The following ARHGAP26 variants were observed in gnomAD, a reference collection of about 807,000 sequenced individuals.
The protein encoded by ARHGAP26 is rho GTPase-activating protein 26.
Under a neutral mutation model 104.8 loss-of-function variants are expected in ARHGAP26, and 38 were observed. That is an observed-to-expected ratio of 0.36 (90% CI 0.28 to 0.48). The LOEUF (loss-of-function observed/expected upper bound fraction) is 0.48. ARHGAP26 is among the 20% of genes least tolerant of loss of function. The pLI is 0.99. For missense variants in ARHGAP26, 704 were observed against 947.9 expected (o/e 0.74, Z 3.38); for synonymous variants, 341 against 340.0 (o/e 1.00, Z -0.03).
In ARHGAP26 at chr5:142,902,332, G is replaced by A. The variant is rs78323251; in HGVS notation, c.702+293G>A. On this transcript the variant is annotated intron_variant, in intron 7 of 22. Transcript: ENST00000645722. ...AGCATTGGAGTCAGGATTTCCTTTG[G>A]CGGTGGAAATCCCAGCCCAACCCAG... Among the ~76,000 whole-genome samples, 1,104 of 152,272 alleles carry A rather than the reference G, an allele frequency of 7.3e-3. 7 individuals are homozygous for A. Among genetic ancestry groups the A allele is most frequent in the Middle Eastern group, 0.034 (10 of 294 alleles).
chr5:142,923,711 A>G (rs1384941608), intron 10 of ARHGAP26, among the ~76,000 whole-genome samples: 2 of 152,212 alleles, frequency 1.3e-5, no homozygotes, highest in Non-Finnish European at 2.9e-5. Flanking sequence ...TAAAAATGTA[A>G]GAACTTATCT....
intron 20 of ARHGAP26, among the ~76,000 whole-genome samples, chr5:143,178,468 C>T (rs1803820101): frequency 6.6e-6 from 1 of 152,178 alleles, no homozygotes; most frequent in Non-Finnish European, 1.5e-5. Flanking sequence ...CAGTTCCTTC[C>T]ACATGGGATT....
At chr5:142,823,503 G>A (rs1340861500) in intron 1 of ARHGAP26, among the ~76,000 whole-genome samples, 1 of 151,856 alleles carries the variant, frequency 6.6e-6, no homozygotes, top group African/African-American at 2.4e-5. Flanking sequence ...GGGACTGTGT[G>A]ACGTTATACA....
chr5:143,004,499 G>C (rs117219572), intron 11 of ARHGAP26, among the ~76,000 whole-genome samples: 22 of 152,160 alleles, frequency 1.4e-4, no homozygotes, highest in Non-Finnish European at 4.4e-5. Context: ...AGGAATGCCC[G>C]GGATGCCTTC....
At chr5:143,144,860 G>C (rs1001432352) in intron 19 of ARHGAP26, among the ~76,000 whole-genome samples, 12 of 152,238 alleles carry the variant, frequency 7.9e-5, no homozygotes, top group African/African-American at 2.4e-4. Flanking sequence ...CGTCAGTAAA[G>C]ATTGTCAGCC....
intron 5 of ARHGAP26, among the ~76,000 whole-genome samples, chr5:142,887,094 GCA>G (rs1757819580): frequency 6.6e-6 from 1 of 152,198 alleles, no homozygotes; most frequent in Non-Finnish European, 1.5e-5. Flanking sequence ...GAGGCCCACA[GCA>G]CAGTTACCCT....
intron 11 of ARHGAP26, among the ~76,000 whole-genome samples, chr5:142,959,951 C>T (rs1485718867): frequency 6.6e-6 from 1 of 152,186 alleles, no homozygotes; most frequent in East Asian, 1.9e-4. Flanking sequence ...TGGGAAAAGG[C>T]AACTATATGG....
chr5:142,938,766 T>A (rs559688927), intron 11 of ARHGAP26, among the ~76,000 whole-genome samples: 1 of 152,334 alleles, frequency 6.6e-6, no homozygotes, highest in Non-Finnish European at 1.5e-5. Flanking sequence ...TCCCCTTAGC[T>A]GTGATTAGTG....
intron 11 of ARHGAP26, among the ~76,000 whole-genome samples, chr5:142,982,772 T>C (rs1244008099): frequency 3.3e-5 from 5 of 152,218 alleles, no homozygotes; most frequent in Non-Finnish European, 7.4e-5. Flanking sequence ...CTTGGATTGT[T>C]GAACCTGTTT....
Position 143,223,730 on chromosome 5 carries a change from T to G in ARHGAP26, c.*1284T>G, listed in dbSNP as rs1811442784. 1 of 231,702 alleles carries G rather than the reference T, an allele frequency of 4.3e-6. No individual in the cohort carries two copies. The highest frequency in any genetic ancestry group is 5.6e-5 in the Admixed American group (1 of 17,724). The allele number at this position is 231,702 out of a possible 1,614,324, so 14.4% of individuals were successfully genotyped here. ...GAATTATTTCTCAGTCTTTCAAGGC[T>G]TGAGACTAATATAGGCCATTGTGAT... On this transcript the variant is annotated 3_prime_UTR_variant, in exon 23 of 23. Coordinates refer to ENST00000645722, the MANE Select transcript of ARHGAP26 (RefSeq NM_001135608.3).
At chr5:143,164,128 G>A (rs1026013696) in intron 20 of ARHGAP26, among the ~76,000 whole-genome samples, 1 of 149,484 alleles carries the variant, frequency 6.7e-6, no homozygotes, top group South Asian at 2.1e-4. Context: ...CTTATATAAT[G>A]CAGTATATCA....
chr5:142,932,117 C>T lies in ARHGAP26; in HGVS notation c.1099C>T (p.Arg367Trp), dbSNP rs559024664. 117 of 1,613,984 alleles carry T rather than the reference C, an allele frequency of 7.2e-5. No individual in the cohort carries two copies. The highest frequency in any genetic ancestry group is 8.9e-5 in the Non-Finnish European group (105 of 1,179,896). ...RRLWMEAMDG[R>W]EPVYNSNKDS... ...GCTCTGGATGGAAGCCATGGATGGC[C>T]GGGAACCTGTAAGTAACAATTCAGG... Residue 367 changes from arginine to tryptophan, a missense_variant, in exon 11 of 23, where the codon CGG (arginine) becomes TGG (tryptophan). By Grantham distance (101) the Arg-to-Trp change is moderately radical (BLOSUM62 -3). Coordinates refer to ENST00000645722, the MANE Select transcript of ARHGAP26 (RefSeq NM_001135608.3).
At chr5:143,091,079 T>A (rs1317237791) in intron 17 of ARHGAP26, among the ~76,000 whole-genome samples, 2 of 152,138 alleles carry the variant, frequency 1.3e-5, no homozygotes, top group African/African-American at 4.8e-5. Context: ...AAAAGAGTAA[T>A]AGAATAGATG....
rs1797671341 is a variant in ARHGAP26 at position 143,134,179 on chromosome 5, A to G, written c.1837+74A>G. 4.1e-6 allele frequency: 6 copies of G among 1,457,840 alleles called. No homozygotes were observed. In the Admixed American group the frequency reaches 1.1e-4, roughly 27 times the overall value. The allele number at this position is 1,457,840 out of a possible 1,614,324, so 90.3% of individuals were successfully genotyped here. A position where few individuals can be genotyped will look rare whatever the true frequency, so the allele number is the denominator to read the frequency against. ...GCTACCTGCACGGCTCAGGGTGGAC[A>G]CTTCCAGCTTTTCTCTGTGTGCTAC... is the stretch of plus-strand genomic sequence containing the variant. On this transcript the variant is annotated intron_variant, in intron 19 of 22. Coordinates refer to ENST00000645722, the MANE Select transcript of ARHGAP26 (RefSeq NM_001135608.3).
At chr5:143,208,430 C>A (rs186332287) in intron 21 of ARHGAP26, among the ~76,000 whole-genome samples, 17 of 152,280 alleles carry the variant, frequency 1.1e-4, no homozygotes, top group Admixed American at 1.1e-3. Context: ...AGCCGAGTTT[C>A]ACTTTTAGAA....
At chr5:142,928,895 T>G (rs1764308370) in intron 10 of ARHGAP26, among the ~76,000 whole-genome samples, 1 of 152,138 alleles carries the variant, frequency 6.6e-6, no homozygotes, top group Non-Finnish European at 1.5e-5. Context: ...CTCCAATTTC[T>G]CTTTCATTGT....
chr5:143,172,418 G>A (rs541786607), intron 20 of ARHGAP26, among the ~76,000 whole-genome samples: 18 of 152,194 alleles, frequency 1.2e-4, no homozygotes, highest in Non-Finnish European at 2.2e-4. Context: ...TAGCAGCCAC[G>A]ACAAAGAAGG....
At chr5:143,195,418 C>T (rs981888024) in intron 20 of ARHGAP26, among the ~76,000 whole-genome samples, 2 of 152,102 alleles carry the variant, frequency 1.3e-5, no homozygotes, top group African/African-American at 4.8e-5. Flanking sequence ...TCTTTTTCCT[C>T]CCCCTAGTCC....
chr5:143,091,841 G>A (rs1050319457), intron 17 of ARHGAP26, among the ~76,000 whole-genome samples: 5 of 152,092 alleles, frequency 3.3e-5, no homozygotes, highest in Admixed American at 2.6e-4. Flanking sequence ...GTTTACACAC[G>A]GAATTTCCTT....
Sources: allele counts gnomAD v4.1 joint callset (sites outside exome capture counted in the v4.1 genomes callset), GRCh38; gene constraint gnomAD v4.1.1; transcripts MANE v1.5; gene names NCBI Gene and HGNC (gene_info 2026-07-23, HGNC 2026-07-21).